The following TMPRSS6 variants were observed in gnomAD, a reference collection of about 807,000 sequenced individuals.
TMPRSS6 encodes transmembrane serine protease 6.
TMPRSS6 carries 67 observed loss-of-function variants against 101.5 expected under a neutral mutation model. That is an observed-to-expected ratio of 0.66 (90% CI 0.54 to 0.81). The LOEUF (loss-of-function observed/expected upper bound fraction) is 0.81. TMPRSS6 is among the 30% of genes least tolerant of loss of function. The pLI, the probability that TMPRSS6 is intolerant of heterozygous loss-of-function variation, is 0.00. For missense variants in TMPRSS6, 1,034 were observed against 1,088.7 expected (o/e 0.95, Z 0.71); for synonymous variants, 453 against 464.9 (o/e 0.97, Z 0.33).
intron 6 of TMPRSS6, among the ~76,000 whole-genome samples, chr22:37,094,009 T>TGA (rs1409403989): frequency 4.0e-5 from 6 of 150,174 alleles, no homozygotes; most frequent in African/African-American, 1.3e-4. Flanking sequence ...GATGACAGAG[T>TGA]GAGACTCTGT....
chr22:37,089,820 G>A (rs1469267050), intron 6 of TMPRSS6, 38 bp from the exon 7 acceptor site: 1 of 1,588,756 alleles, frequency 6.3e-7, no homozygotes, highest in Non-Finnish European at 8.6e-7. Context: ...TGATTCCTGT[G>A]AGCCAGAAGG....
chr22:37,084,160 C>T lies in TMPRSS6; in HGVS notation c.1196+135G>A, dbSNP rs771659582. On this transcript the variant is annotated intron_variant, in intron 10 of 17. Transcript: ENST00000676104. Reference sequence around the variant, plus strand: ...AGGGCAACAGGCCTGACACCAGCCCCAGCCTCTGCTCGCTCCCCTTGCTGC... The same window carrying T: ...AGGGCAACAGGCCTGACACCAGCCCTAGCCTCTGCTCGCTCCCCTTGCTGC... 35 of 794,930 alleles carry T rather than the reference C, an allele frequency of 4.4e-5. No individual in the cohort carries two copies. In the African/African-American group the frequency reaches 5.6e-4, roughly 13 times the overall value. 49.2% of individuals were successfully genotyped at this position (794,930 alleles called of 1,614,324 possible).
In TMPRSS6 at chr22:37,073,644, A is replaced by T. The variant is rs1239245510; in HGVS notation, c.1443T>A (p.Val481=). The change falls in exon 13 of 18, where the codon GTT becomes GTA. Residue 481 remains valine, a splice_region_variant and synonymous_variant. Transcript: ENST00000676104. ...CPNGLDERNC[V]CRATFQCKED... ...CTTTGCACTGGAATGTGGCTCTGCA[A>T]ACTGTGTGGGGACACAGAGAGGGGA... The T allele has an allele frequency of 6.2e-7, 1 of 1,610,870 alleles. No individual in the cohort carries two copies. The highest frequency in any genetic ancestry group is 8.5e-7 in the Non-Finnish European group (1 of 1,177,054).
intron 6 of TMPRSS6, 96 bp from the exon 7 acceptor site, chr22:37,089,878 A>T (rs993224936): frequency 1.4e-5 from 19 of 1,326,176 alleles, no homozygotes; most frequent in Middle Eastern, 2.6e-4. Flanking sequence ...ACCAGGCAGG[A>T]TGGGCTGGGC....
Position 37,075,233 on chromosome 22 carries a change from A to C in TMPRSS6, c.1244T>G (p.Val415Gly). ...ILQPYAERIP[V>G]VATAGITINF... is the part of the protein sequence containing the mutation. ...GATGGTGATCCCGGCCGTGGCCACCACGGGGATCCTCTCGGCGTAGGGCTG... is the reference window on the plus strand; with the variant it reads ...GATGGTGATCCCGGCCGTGGCCACCCCGGGGATCCTCTCGGCGTAGGGCTG... The change falls in exon 11 of 18, where the codon GTG becomes GGG. Residue 415 changes from valine (V) to glycine (G), a missense_variant. By Grantham distance (109) the Val-to-Gly change is moderately radical. Transcript: ENST00000676104. 4 of 1,613,776 alleles carry C rather than the reference A, an allele frequency of 2.5e-6. No homozygotes were observed. Among genetic ancestry groups the C allele is most frequent in the Non-Finnish European group, 3.4e-6 (4 of 1,180,020 alleles).
intron 5 of TMPRSS6, 34 bp from the exon 6 acceptor site, chr22:37,095,626 G>T (rs755684818): frequency 1.3e-5 from 13 of 966,396 alleles, no homozygotes; most frequent in South Asian, 2.2e-5. Context: ...AAATAAACAA[G>T]AACAAAAAAA....
chr22:37,088,385 C>G (rs1403692386), intron 7 of TMPRSS6, among the ~76,000 whole-genome samples: 1 of 152,182 alleles, frequency 6.6e-6, no homozygotes, highest in East Asian at 1.9e-4. Flanking sequence ...TGGTCCCATC[C>G]CCATCTGCCT....
In TMPRSS6 at chr22:37,066,106, T is replaced by A. The variant is rs1331394335; in HGVS notation, c.2383A>T (p.Ser795Cys). 12 of 1,613,456 alleles carry A rather than the reference T, an allele frequency of 7.4e-6. No homozygotes were observed. Among genetic ancestry groups the A allele is most frequent in the Non-Finnish European group, 9.3e-6 (11 of 1,180,008 alleles). ...GVYTRITGVI[S>C]WIQQVVT is the part of the protein sequence containing the mutation. The stretch of plus-strand genomic sequence containing the variant: ...CAGGTCACCACTTGCTGGATCCAGC[T>A]GATCACACCTGTGATGCGGGTGTAG... The change falls in exon 18 of 18, where the codon AGC becomes TGC. Residue 795 changes from serine to cysteine, a missense_variant. Ser to Cys is a moderately radical substitution (Grantham distance 112). Transcript: ENST00000676104.
At chr22:37,090,953 G>A (rs964076320) in intron 6 of TMPRSS6, among the ~76,000 whole-genome samples, 5 of 152,088 alleles carry the variant, frequency 3.3e-5, no homozygotes, top group Non-Finnish European at 7.4e-5. Context: ...CCCATCTCAC[G>A]GCTGCCTCAC....
upstream of TMPRSS6, among the ~76,000 whole-genome samples, chr22:37,109,954 C>T (rs1283777534): frequency 6.6e-6 from 1 of 151,960 alleles, no homozygotes; most frequent in Non-Finnish European, 1.5e-5. Context: ...AGTGCAGGGG[C>T]TCACAAGGGT....
At chr22:37,096,749 C>T in intron 3 of TMPRSS6, 34 bp from the exon 4 acceptor site, 4 of 1,553,120 alleles carry the variant, frequency 2.6e-6, no homozygotes, top group Non-Finnish European at 2.6e-6. Context: ...CCCTGGGACC[C>T]TCTGCAGGGC....
At chr22:37,087,575 G>A (rs1928885859) in intron 7 of TMPRSS6, among the ~76,000 whole-genome samples, 1 of 152,098 alleles carries the variant, frequency 6.6e-6, no homozygotes, top group African/African-American at 2.4e-5. Flanking sequence ...GCCTCCAGTA[G>A]CAGGCACCAC....
intron 9 of TMPRSS6, 115 bp downstream of exon 9, chr22:37,084,612 C>T: frequency 2.0e-6 from 2 of 977,860 alleles, no homozygotes; most frequent in Non-Finnish European, 3.1e-6. Context: ...ACCCAGGGCT[C>T]AGCCTGTGGG....
rs925972115 is a variant in TMPRSS6 at position 37,069,488 on chromosome 22, T to G, written c.1842-144A>C. 2.3e-6 allele frequency: 2 copies of G among 856,798 alleles called. No homozygotes were observed. The highest frequency in any genetic ancestry group is 1.7e-5 in the African/African-American group (1 of 58,956). 53.1% of individuals were successfully genotyped at this position (856,798 alleles called of 1,614,324 possible). A position where few individuals can be genotyped will look rare whatever the true frequency, so the allele number is the denominator to read the frequency against. Reference sequence around the variant, plus strand: ...CAGCCCTCCCTTCCCTCCCTGAAGGTCGCCTAGCTGGTGGTACAGCGTTCA... The same window carrying G: ...CAGCCCTCCCTTCCCTCCCTGAAGGGCGCCTAGCTGGTGGTACAGCGTTCA... On this transcript the variant is annotated intron_variant, in intron 15 of 17. Transcript: ENST00000676104. This position sits in a 1 kb window ranked among gnomAD's most constrained non-coding sequence, Gnocchi z 4.8.
intron 13 of TMPRSS6, among the ~76,000 whole-genome samples, chr22:37,071,392 G>A (rs1926890429): frequency 6.6e-6 from 1 of 152,184 alleles, no homozygotes; most frequent in Admixed American, 6.5e-5. Context: ...GCCCTGCCCG[G>A]TTGTCCACAT....
chr22:37,068,756 C>A, intron 16 of TMPRSS6: 2 of 762,516 alleles, frequency 2.6e-6, no homozygotes, highest in South Asian at 2.8e-5. Context: ...TAATTAAGAG[C>A]CTTCCACCCT....
At chr22:37,105,362 G>A (rs374135068) in intron 1 of TMPRSS6, among the ~76,000 whole-genome samples, 19 of 152,218 alleles carry the variant, frequency 1.2e-4, no homozygotes, top group Non-Finnish European at 5.9e-5. Context: ...AATGGTAAAC[G>A]TCCGGCAACG....
intron 13 of TMPRSS6, among the ~76,000 whole-genome samples, chr22:37,071,318 G>T (rs537130317): frequency 2.6e-5 from 4 of 152,244 alleles, no homozygotes; most frequent in African/African-American, 7.2e-5. Flanking sequence ...GAACTTGAAG[G>T]CAGAACTGTG....
At chr22:37,068,812 G>A (rs1926574313) in intron 16 of TMPRSS6, 2 of 720,496 alleles carry the variant, frequency 2.8e-6, no homozygotes, top group Admixed American at 2.2e-5. Flanking sequence ...GGGCAGTGGC[G>A]TCCCAGACCT....
Sources: allele counts gnomAD v4.1 joint callset (sites outside exome capture counted in the v4.1 genomes callset), GRCh38; gene constraint gnomAD v4.1.1; non-coding constraint Gnocchi (gnomAD v3.1); transcripts MANE v1.5; gene names NCBI Gene and HGNC (gene_info 2026-07-23, HGNC 2026-07-21).